Variants in DIAPH3 observed in about 807,000 individuals in gnomAD.
DIAPH3 encodes the protein diaphanous related formin 3.
Under a neutral mutation model 144.3 loss-of-function variants are expected in DIAPH3, and 117 were observed. That is an observed-to-expected ratio of 0.81 (90% CI 0.70 to 0.95). DIAPH3 has a LOEUF of 0.95. DIAPH3 is among the 40% of genes least tolerant of loss of function. The pLI, the probability that DIAPH3 is intolerant of heterozygous loss-of-function variation, is 0.00. For synonymous variants in DIAPH3, 519 were observed against 488.9 expected (o/e 1.06, Z -0.81); for missense variants, 1,421 against 1,412.7 (o/e 1.01, Z -0.09).
intron 27 of DIAPH3, among the ~76,000 whole-genome samples, chr13:59,668,004 C>T (rs2032122518): frequency 6.6e-6 from 1 of 152,186 alleles, no homozygotes; most frequent in Non-Finnish European, 1.5e-5. Flanking sequence ...GAGGATTTTA[C>T]ACACTTTCTT....
chr13:60,030,340 T>G lies in DIAPH3; in HGVS notation c.626+12350A>C, dbSNP rs532730201. 8.5e-5 allele frequency among the ~76,000 whole-genome samples: 13 copies of G among 152,262 alleles called. No homozygotes were observed. The East Asian group carries it at 1.9e-3, about 23-fold the overall frequency. ...TCACATACTTAGGAACTTAAGAGCT[T>G]TATTCTTTCACATGTTAGATGTTTC... is the stretch of plus-strand genomic sequence containing the variant. On this transcript the variant is annotated intron_variant, in intron 5 of 27. Coordinates refer to ENST00000400324, the MANE Select transcript of DIAPH3 (RefSeq NM_001042517.2).
chr13:59,970,285 C>A (rs1223325382), intron 16 of DIAPH3, among the ~76,000 whole-genome samples: 1 of 152,150 alleles, frequency 6.6e-6, no homozygotes, highest in Non-Finnish European at 1.5e-5. Flanking sequence ...ATTTGAAATA[C>A]GATTTAATTA....
At chr13:60,065,153 A>G (rs1476722097) in intron 4 of DIAPH3, among the ~76,000 whole-genome samples, 1 of 151,988 alleles carries the variant, frequency 6.6e-6, no homozygotes. Flanking sequence ...ACTACCAAAT[A>G]CCAAAATGTG....
intron 13 of DIAPH3, among the ~76,000 whole-genome samples, chr13:59,982,329 T>G (rs1009399878): frequency 6.6e-6 from 1 of 151,416 alleles, no homozygotes; most frequent in African/African-American, 2.4e-5. Flanking sequence ...TGGAATACAT[T>G]TTTTCAGATA....
rs1309039234 is a variant in DIAPH3, at chr13:59,833,141, A to G, written c.2993T>C (p.Leu998Pro). 6.2e-7 allele frequency: 1 copy of G among 1,610,790 alleles called. No individual in the cohort carries two copies. Among genetic ancestry groups the G allele is most frequent in the Non-Finnish European group, 8.5e-7 (1 of 1,178,082 alleles). ...GGTTCTGAAGTTATTCAGGTCAGTA[A>G]GAAAGTCTTCCACAGACACCTTCTT... is the stretch of plus-strand genomic sequence containing the variant. ...DVKKVSVEDF[L>P]TDLNNFRTTF... Residue 998 changes from leucine (L) to proline (P), a missense_variant, in exon 24 of 28, where the codon CTT (leucine) becomes CCT (proline). Leu to Pro is a moderately conservative substitution (Grantham distance 98, BLOSUM62 -3). Coordinates refer to ENST00000400324, the MANE Select transcript of DIAPH3 (RefSeq NM_001042517.2).
chr13:59,837,505 G>A (rs185716635), intron 23 of DIAPH3, among the ~76,000 whole-genome samples: 7 of 152,132 alleles, frequency 4.6e-5, no homozygotes, highest in Middle Eastern at 3.4e-3. Flanking sequence ...TGCATTCACA[G>A]TGTACTACCA....
chr13:59,744,609 G>A (rs2036617244), intron 27 of DIAPH3, among the ~76,000 whole-genome samples: 1 of 152,086 alleles, frequency 6.6e-6, no homozygotes, highest in Non-Finnish European at 1.5e-5. Flanking sequence ...ATGTGGCCCA[G>A]GGAAGCCAAA....
intron 5 of DIAPH3, among the ~76,000 whole-genome samples, chr13:60,016,899 A>C (rs2053687508): frequency 6.6e-6 from 1 of 152,232 alleles, no homozygotes; most frequent in Non-Finnish European, 1.5e-5. Context: ...GCTTGCCTGG[A>C]TTACATGAAA....
Position 60,163,684 on chromosome 13 carries a change from CGG to C in DIAPH3, c.81_82del (p.Gly29LeufsTer36), listed in dbSNP as rs1566841692. The C allele has an allele frequency of 6.2e-7, 1 of 1,607,600 alleles. No homozygotes were observed. The highest frequency in any genetic ancestry group is 8.5e-7 in the Non-Finnish European group (1 of 1,175,568). On this transcript the variant is annotated frameshift_variant, in exon 1 of 28. Transcript: ENST00000400324. LOFTEE classifies it high-confidence loss of function. Reference sequence around the variant, plus strand: ...CGGCATCTTGCTTTCCCGGCAGCCGCGGAGAGAGGCTGAGGAAGGGTAGGGAG... The same window carrying C: ...CGGCATCTTGCTTTCCCGGCAGCCGCAGAGAGGCTGAGGAAGGGTAGGGAG...
chr13:59,830,442 T>G (rs2041713536), intron 24 of DIAPH3, among the ~76,000 whole-genome samples: 1 of 151,864 alleles, frequency 6.6e-6, no homozygotes, highest in Non-Finnish European at 1.5e-5. Context: ...TTAATACATT[T>G]TAATATTTAA....
intron 3 of DIAPH3, among the ~76,000 whole-genome samples, chr13:60,100,430 A>G (rs903872817): frequency 3.3e-5 from 5 of 152,332 alleles, no homozygotes; most frequent in African/African-American, 1.2e-4. Context: ...TGGAAGAGAC[A>G]TGACAAATAA....
At chr13:59,802,660 TATTA>T (rs1279798645) in intron 25 of DIAPH3, among the ~76,000 whole-genome samples, 45 of 35,470 alleles carry the variant, frequency 1.3e-3, no homozygotes, top group Non-Finnish European at 1.9e-3. Flanking sequence ...TTATTATTAT[TATTA>T]TTATTTTTTT....
chr13:59,712,503 A>C (rs2034803729), intron 27 of DIAPH3, among the ~76,000 whole-genome samples: 1 of 152,192 alleles, frequency 6.6e-6, no homozygotes, highest in Non-Finnish European at 1.5e-5. Flanking sequence ...TATCTGGATT[A>C]CAGCAATTCC....
chr13:60,008,705 A>G (rs894342750), intron 8 of DIAPH3, 56 bp from the exon 9 acceptor site: 23 of 1,102,450 alleles, frequency 2.1e-5, no homozygotes, highest in Admixed American at 1.7e-5. Flanking sequence ...ATGCCATAAT[A>G]CAATTGCTTT....
chr13:59,983,153 A>AC (rs1275661808), intron 13 of DIAPH3, among the ~76,000 whole-genome samples: 2 of 149,902 alleles, frequency 1.3e-5, no homozygotes, highest in Non-Finnish European at 1.5e-5. Flanking sequence ...AAAAAAAAAA[A>AC]AAAAAACTCT....
chr13:60,029,030 G>A (rs1248510571), intron 5 of DIAPH3, among the ~76,000 whole-genome samples: 1 of 149,828 alleles, frequency 6.7e-6, no homozygotes, highest in African/African-American at 2.5e-5. Flanking sequence ...CTGCACTCCA[G>A]TCTGGTGACA....
At chr13:59,994,559 T>C (rs1376678052) in intron 9 of DIAPH3, among the ~76,000 whole-genome samples, 1 of 151,878 alleles carries the variant, frequency 6.6e-6, no homozygotes, top group African/African-American at 2.4e-5. Context: ...AAATATACTA[T>C]ATACTGTAAG....
At chr13:59,725,528 G>A (rs991701238) in intron 27 of DIAPH3, among the ~76,000 whole-genome samples, 2 of 152,070 alleles carry the variant, frequency 1.3e-5, no homozygotes, top group African/African-American at 4.8e-5. Context: ...ACATTCTATT[G>A]CAAATAATTA....
At chr13:59,682,051 T>A (rs2032977267) in intron 27 of DIAPH3, among the ~76,000 whole-genome samples, 1 of 152,212 alleles carries the variant, frequency 6.6e-6, no homozygotes, top group Admixed American at 6.5e-5. Flanking sequence ...GGAATGTTAA[T>A]TTCCAGGTTT....
Sources: gnomAD v4.1 joint callset for allele counts (sites outside exome capture counted in the v4.1 genomes callset) on GRCh38, gnomAD v4.1.1 for gene constraint, MANE v1.5 for transcripts, NCBI Gene and HGNC (gene_info 2026-07-23, HGNC 2026-07-21) for gene names.